Variants in PHACTR1 observed in about 807,000 individuals in gnomAD.
PHACTR1 encodes the protein phosphatase and actin regulator 1, also known as RPEL repeat containing 1.
Under a neutral mutation model 69.2 loss-of-function variants are expected in PHACTR1, and 16 were observed. The ratio of observed to expected loss-of-function variants is 0.23; its 90% CI spans 0.16 to 0.35. The LOEUF (loss-of-function observed/expected upper bound fraction) is 0.35. Among genes scored for constraint, PHACTR1 ranks in the 10% least tolerant of loss-of-function variants. PHACTR1 has a pLI of 1.00. For missense variants in PHACTR1, 510 were observed against 734.7 expected (o/e 0.69, Z 3.54); for synonymous variants, 312 against 284.5 (o/e 1.10, Z -0.97).
intron 4 of PHACTR1, among the ~76,000 whole-genome samples, chr6:12,769,249 T>C (rs1490027654): frequency 6.6e-6 from 1 of 152,216 alleles, no homozygotes; most frequent in Non-Finnish European, 1.5e-5. Flanking sequence ...GTGTTTAAAG[T>C]GGTGGGTACG....
intron 5 of PHACTR1, among the ~76,000 whole-genome samples, chr6:13,088,111 C>G (rs1421861800): frequency 6.6e-6 from 1 of 152,118 alleles, no homozygotes; most frequent in Non-Finnish European, 1.5e-5. Context: ...AAAAATAAGA[C>G]ACAATTCCCG....
intron 8 of PHACTR1, among the ~76,000 whole-genome samples, chr6:13,225,402 CA>C (rs1453324763): frequency 1.3e-5 from 2 of 152,154 alleles, no homozygotes; most frequent in Non-Finnish European, 2.9e-5. Flanking sequence ...GCCACCTGAC[CA>C]ATCCCTATTT....
At chr6:13,125,807 A>G (rs1463130568) in intron 5 of PHACTR1, among the ~76,000 whole-genome samples, 1 of 151,946 alleles carries the variant, frequency 6.6e-6, no homozygotes, top group Non-Finnish European at 1.5e-5. Flanking sequence ...GTGCACACCT[A>G]TAGTCCCAGC....
intron 4 of PHACTR1, among the ~76,000 whole-genome samples, chr6:13,036,099 C>T (rs1195001972): frequency 6.6e-6 from 1 of 151,342 alleles, no homozygotes; most frequent in African/African-American, 2.4e-5. Context: ...TATGGCTAGT[C>T]GCTGACAGTG....
intron 4 of PHACTR1, among the ~76,000 whole-genome samples, chr6:12,903,701 C>T (rs940711386): frequency 1.3e-5 from 2 of 152,166 alleles, no homozygotes; most frequent in African/African-American, 4.8e-5. Context: ...ATAAATATGT[C>T]TATGCCCTTG....
chr6:13,016,819 C>G (rs1800242634), intron 4 of PHACTR1, among the ~76,000 whole-genome samples: 1 of 152,168 alleles, frequency 6.6e-6, no homozygotes, highest in Admixed American at 6.5e-5. Flanking sequence ...GGTGAGGAAA[C>G]AAGCTTACAT....
intron 4 of PHACTR1, among the ~76,000 whole-genome samples, chr6:12,794,244 G>C (rs1328377062): frequency 6.6e-6 from 1 of 152,208 alleles, no homozygotes; most frequent in Non-Finnish European, 1.5e-5. Context: ...TAGTAAGAGA[G>C]ATCAAACTAT....
At chr6:12,731,723 C>G (rs1187906773) in intron 3 of PHACTR1, among the ~76,000 whole-genome samples, 2 of 152,324 alleles carry the variant, frequency 1.3e-5, no homozygotes, top group East Asian at 3.9e-4. Context: ...GTCACAGCTA[C>G]TAGTAATGGA....
intron 3 of PHACTR1, among the ~76,000 whole-genome samples, chr6:12,723,543 T>C (rs1308684789): frequency 2.0e-5 from 3 of 148,746 alleles, no homozygotes; most frequent in Admixed American, 6.8e-5. Context: ...CATCTCAGGC[T>C]AAAGTACAGT....
chr6:12,865,479 T>C (rs200048969), intron 4 of PHACTR1, among the ~76,000 whole-genome samples: 26 of 124,850 alleles, frequency 2.1e-4, no homozygotes, highest in East Asian at 5.6e-4. Flanking sequence ...TGTGTGTGTG[T>C]GCCTGCGTGT....
chr6:12,968,242 T>C (rs979600131), intron 4 of PHACTR1, among the ~76,000 whole-genome samples: 1 of 152,214 alleles, frequency 6.6e-6, no homozygotes, highest in Non-Finnish European at 1.5e-5. Context: ...ACTGAAATCA[T>C]GTTGGCATTG....
At chr6:12,913,496 A>C (rs78574440) in intron 4 of PHACTR1, among the ~76,000 whole-genome samples, 2,443 of 152,276 alleles carry the variant, frequency 0.016, 75 homozygotes, top group African/African-American at 0.055. Flanking sequence ...ACTGTTCTCA[A>C]ATCATATAGG....
At chr6:12,817,969 G>C (rs533934198) in intron 4 of PHACTR1, among the ~76,000 whole-genome samples, 6 of 151,928 alleles carry the variant, frequency 3.9e-5, no homozygotes, top group Non-Finnish European at 8.8e-5. Flanking sequence ...GACTACAGGC[G>C]CCTGCCACCA....
intron 4 of PHACTR1, among the ~76,000 whole-genome samples, chr6:12,910,200 C>G (rs1003505892): frequency 1.3e-5 from 2 of 152,140 alleles, no homozygotes; most frequent in Admixed American, 6.5e-5. Flanking sequence ...TAGACGAGCT[C>G]TACTGTATAA....
chr6:12,903,010 C>T (rs950959691), intron 4 of PHACTR1, among the ~76,000 whole-genome samples: 4 of 152,062 alleles, frequency 2.6e-5, no homozygotes, highest in African/African-American at 2.4e-5. Flanking sequence ...TTTCAACTTA[C>T]GAATTTGAGG....
chr6:12,915,065 A>T (rs917697320), intron 4 of PHACTR1, among the ~76,000 whole-genome samples: 1 of 152,246 alleles, frequency 6.6e-6, no homozygotes, highest in East Asian at 1.9e-4. Flanking sequence ...AGACGGCTTC[A>T]GCAATGTGAT....
chr6:13,242,668 C>CA (rs1466008827), intron 10 of PHACTR1, among the ~76,000 whole-genome samples: 3 of 152,034 alleles, frequency 2.0e-5, no homozygotes, highest in Non-Finnish European at 2.9e-5. Context: ...AAAACAGACT[C>CA]AAAAAAATCA....
At chr6:13,115,899 A>C (rs878890071) in intron 5 of PHACTR1, among the ~76,000 whole-genome samples, 1 of 152,190 alleles carries the variant, frequency 6.6e-6, no homozygotes, top group Non-Finnish European at 1.5e-5. Context: ...GAGACAGAAC[A>C]GCAGGTGCGT....
At chr6:13,206,740 C>T (rs968424055) in intron 8 of PHACTR1, among the ~76,000 whole-genome samples, 1 of 152,134 alleles carries the variant, frequency 6.6e-6, no homozygotes, top group African/African-American at 2.4e-5. Context: ...ACATCATCCC[C>T]TCACAGGGCA....
Sources: gnomAD v4.1 joint callset for allele counts (sites outside exome capture counted in the v4.1 genomes callset) on GRCh38, gnomAD v4.1.1 for gene constraint, MANE v1.5 for transcripts, NCBI Gene and HGNC (gene_info 2026-07-23, HGNC 2026-07-21) for gene names.